The following CEP295 variants were observed in gnomAD, a reference collection of about 807,000 sequenced individuals.
CEP295 encodes the protein centrosomal protein 295, also known as centrosomal protein of 295 kDa.
Under a neutral mutation model 291.6 loss-of-function variants are expected in CEP295, and 190 were observed. The observed-to-expected ratio is 0.65, with a 90% confidence interval of 0.58 to 0.73. The LOEUF (loss-of-function observed/expected upper bound fraction) is 0.73. Among genes scored for constraint, CEP295 ranks in the 30% least tolerant of loss-of-function variants. The pLI is 0.00. For missense variants in CEP295, 2,863 were observed against 2,949.4 expected, an observed-to-expected ratio of 0.97 and a Z score of 0.68; for synonymous variants, 993 against 1,038.8, an observed-to-expected ratio of 0.96 and a Z score of 0.85.
At chr11:93,665,196 C>CA (rs1950151414) in intron 1 of CEP295, among the ~76,000 whole-genome samples, 1 of 152,144 alleles carries the variant, frequency 6.6e-6, no homozygotes, top group African/African-American at 2.4e-5. Flanking sequence ...TTGATTGTCT[C>CA]AGATAAAATG....
At chr11:93,666,896 T>C in intron 2 of CEP295, 81 bp downstream of exon 2, 1 of 808,154 alleles carries the variant, frequency 1.2e-6, no homozygotes, top group Non-Finnish European at 1.9e-6. Context: ...GTGTTCTAAA[T>C]GTTGTATTTA....
At chr11:93,726,857 C>T (rs778092825) in intron 23 of CEP295, 119 bp from the exon 24 acceptor site, 1 of 747,954 alleles carries the variant, frequency 1.3e-6, no homozygotes, top group Non-Finnish European at 2.1e-6. Context: ...TACACATCAA[C>T]TTTTATGCCT....
chr11:93,682,370 C>T (rs575992624), intron 7 of CEP295, among the ~76,000 whole-genome samples: 4 of 152,284 alleles, frequency 2.6e-5, no homozygotes, highest in South Asian at 4.1e-4. Context: ...ATTTCAGGCG[C>T]ATGCCGTCAC....
rs1296152442 is a variant in CEP295 at position 93,728,722 on chromosome 11, T to G, written c.7203T>G (p.Leu2401=). The change falls in exon 25 of 30, where the codon CTT becomes CTG. Residue 2401 remains leucine (L), a synonymous_variant. Coordinates refer to ENST00000325212, the MANE Select transcript of CEP295 (RefSeq NM_033395.2). ...TGHGIMEEPE[L]TLISTTDTSI... ...ATGGTATAATGGAAGAACCAGAACT[T>G]ACTTTAATAAGCACCACTGATACCA... is the stretch of plus-strand genomic sequence containing the variant. 3 of 1,549,628 alleles carry G rather than the reference T, an allele frequency of 1.9e-6. No individual in the cohort carries two copies. The Admixed American group carries it at 5.9e-5, about 31-fold the overall frequency.
At chr11:93,673,199 T>C (rs10831086) in intron 5 of CEP295, among the ~76,000 whole-genome samples, 139,840 of 152,200 alleles carry the variant, frequency 0.92, 65,059 homozygotes, top group East Asian at 0.99. Context: ...CCTTTGATCC[T>C]AGCTACTCAG....
At chr11:93,670,560 A>G (rs1269388867) in intron 5 of CEP295, among the ~76,000 whole-genome samples, 1 of 152,182 alleles carries the variant, frequency 6.6e-6, no homozygotes, top group Admixed American at 6.5e-5. Flanking sequence ...TTGTACATAC[A>G]AGTATATTCT....
At chr11:93,711,826 G>GTT (rs200548650) in intron 18 of CEP295, among the ~76,000 whole-genome samples, 17 of 141,658 alleles carry the variant, frequency 1.2e-4, no homozygotes, top group African/African-American at 2.8e-4. Flanking sequence ...AAGTTTGTTT[G>GTT]TTTTTTTTTT....
rs1191528560 is a variant in CEP295, at chr11:93,729,906, T to A, written c.7604T>A (p.Val2535Asp). The A allele has an allele frequency of 6.5e-6, 10 of 1,550,236 alleles. No individual in the cohort carries two copies. The highest frequency in any genetic ancestry group is 8.7e-6 in the Non-Finnish European group (10 of 1,146,680). The change falls in exon 28 of 30, where the codon GTC becomes GAC. Residue 2535 changes from valine (V) to aspartate (D), a missense_variant. By Grantham distance (152) the Val-to-Asp change is radical. Around this residue, in one of 3 missense-constraint regions of CEP295, gnomAD observed 2,295 missense variants for 2,335.7 expected, o/e 0.98. Transcript: ENST00000325212. ...AGTCGTCTAAAGGGCGTGAATAAAG[T>A]CAGAGCATCTTTTCCTGAAGACAGA... ...SVSRLKGVNK[V>D]RASFPEDRKT...
In CEP295 at chr11:93,699,940, T is replaced by G. The variant is rs759649272; in HGVS notation, c.5028T>G (p.Asn1676Lys). ...KSTCELYSSQ[N>K]EHAAPPSNPV... ...CTTGTGAATTGTATTCATCCCAGAA[T>G]GAACATGCAGCCCCCCCAAGTAATC... is the stretch of plus-strand genomic sequence containing the variant. Residue 1676 changes from asparagine (N) to lysine (K), a missense_variant, in exon 15 of 30, where the codon AAT becomes AAG. Asn to Lys is a moderately conservative substitution (Grantham distance 94). This residue lies in a region of CEP295 where 2,295 missense variants were observed against 2,335.7 expected (regional missense o/e 0.98). Coordinates refer to ENST00000325212, the MANE Select transcript of CEP295 (RefSeq NM_033395.2). 2 of 1,551,802 alleles carry G rather than the reference T, an allele frequency of 1.3e-6. No individual in the cohort carries two copies. The highest frequency in any genetic ancestry group is 1.7e-6 in the Non-Finnish European group (2 of 1,147,012).
At chr11:93,719,231 GT>G (rs1211167886) in intron 18 of CEP295, among the ~76,000 whole-genome samples, 3 of 130,460 alleles carry the variant, frequency 2.3e-5, no homozygotes, top group African/African-American at 8.8e-5. Flanking sequence ...TGTGTGGGTT[GT>G]TTTTTTTTTC....
intron 10 of CEP295, among the ~76,000 whole-genome samples, chr11:93,688,715 G>A (rs1951372308): frequency 6.6e-6 from 1 of 152,062 alleles, no homozygotes; most frequent in African/African-American, 2.4e-5. Context: ...AAACTCCCTA[G>A]TTGATCTCAA....
intron 7 of CEP295, among the ~76,000 whole-genome samples, chr11:93,681,432 T>G (rs1473359089): frequency 2.9e-5 from 4 of 140,014 alleles, no homozygotes; most frequent in African/African-American, 1.1e-4. Flanking sequence ...TTTTTTTTTT[T>G]TGTGACAGAG....
At chr11:93,689,259 T>C (rs1434812775) in intron 10 of CEP295, among the ~76,000 whole-genome samples, 1 of 152,146 alleles carries the variant, frequency 6.6e-6, no homozygotes, top group African/African-American at 2.4e-5. Flanking sequence ...TCAGTTTCAC[T>C]CAGTAAAAAC....
In CEP295 at chr11:93,706,732, T is replaced by A. The variant is rs1463408528; in HGVS notation, c.5597-13T>A. On this transcript the variant is annotated splice_polypyrimidine_tract_variant and intron_variant, in intron 17 of 29. Transcript: ENST00000325212. The stretch of plus-strand genomic sequence containing the variant: ...TTCCAGAAATTGAAGTGGAAATATT[T>A]TTTCCCCCCCAGGTAAACCAGGTAT... 3 of 1,503,792 alleles carry A rather than the reference T, an allele frequency of 2.0e-6. No individual in the cohort carries two copies. Among genetic ancestry groups the A allele is most frequent in the Non-Finnish European group, 2.7e-6 (3 of 1,125,156 alleles). 93.2% of individuals were successfully genotyped at this position (1,503,792 alleles called of 1,614,324 possible).
chr11:93,694,441 A>C (rs1330531941), intron 12 of CEP295, among the ~76,000 whole-genome samples: 2 of 152,206 alleles, frequency 1.3e-5, no homozygotes, highest in African/African-American at 2.4e-5. Flanking sequence ...CAATCAGCGT[A>C]TAATTTTTTT....
At chr11:93,726,311 T>C (rs1390902432) in intron 23 of CEP295, among the ~76,000 whole-genome samples, 1 of 152,214 alleles carries the variant, frequency 6.6e-6, no homozygotes, top group East Asian at 1.9e-4. Context: ...ATTTTCTATT[T>C]TTAGTATAGA....
intron 9 of CEP295, among the ~76,000 whole-genome samples, chr11:93,685,842 C>T (rs1951206079): frequency 6.6e-6 from 1 of 151,900 alleles, no homozygotes; most frequent in Non-Finnish European, 1.5e-5. Flanking sequence ...TCCCAAGTAG[C>T]TGGGACTACA....
Position 93,702,647 on chromosome 11 carries a change from T to A in CEP295, c.5452+10T>A. On this transcript the variant is annotated intron_variant, in intron 16 of 29. Coordinates refer to ENST00000325212, the MANE Select transcript of CEP295 (RefSeq NM_033395.2). ...AGTGCCAAGCAAAGTGGTAAGATAA[T>A]TGTGTTTGATTGTAATTATTTCACT... is the stretch of plus-strand genomic sequence containing the variant. 6.5e-7 allele frequency: 1 copy of A among 1,535,848 alleles called. No homozygotes were observed. The highest frequency in any genetic ancestry group is 8.8e-7 in the Non-Finnish European group (1 of 1,139,450).
rs542093722 is a variant in CEP295 at position 93,717,751 on chromosome 11, T to A, written c.5750-3561T>A. Among the ~76,000 whole-genome samples, 92 of 152,232 alleles carry A rather than the reference T, an allele frequency of 6.0e-4. 1 individual carries two copies. The South Asian group carries it at 0.019, about 31-fold the overall frequency. The stretch of plus-strand genomic sequence containing the variant: ...AGGGGTCTCATTTTTTTTTTCTTTA[T>A]CAGGGTCACAGAGTGGCCATTTCTG... On this transcript the variant is annotated intron_variant, in intron 18 of 29. Coordinates refer to ENST00000325212, the MANE Select transcript of CEP295 (RefSeq NM_033395.2).
Sources: allele counts gnomAD v4.1 joint callset (sites outside exome capture counted in the v4.1 genomes callset), GRCh38; gene constraint gnomAD v4.1.1; regional missense constraint gnomAD v4.1.1; transcripts MANE v1.5; gene names NCBI Gene and HGNC (gene_info 2026-07-23, HGNC 2026-07-21).